The following TAFA1 variants were observed in gnomAD, a reference collection of about 807,000 sequenced individuals.
The protein encoded by TAFA1 is TAFA chemokine like family member 1.
In TAFA1, 4 loss-of-function variants were observed where a neutral mutation model predicts 18.5. The observed-to-expected ratio is 0.22, with a 90% CI of 0.11 to 0.49. The LOEUF (loss-of-function observed/expected upper bound fraction) is 0.49. Ranked by LOEUF, TAFA1 falls within the 20% of genes least tolerant of loss-of-function variation. TAFA1 has a pLI of 0.98. For synonymous variants in TAFA1, 56 were observed against 55.2 expected (o/e 1.01, Z -0.06); for missense variants, 147 against 169.0 (o/e 0.87, Z 0.72).
intron 2 of TAFA1, among the ~76,000 whole-genome samples, chr3:68,352,217 C>A (rs1472331505): frequency 5.3e-5 from 8 of 151,986 alleles, no homozygotes; most frequent in African/African-American, 1.7e-4. Context: ...CTCCTCAAGT[C>A]ATAAATTTGT....
At chr3:68,197,599 T>C (rs1195973342) in intron 2 of TAFA1, among the ~76,000 whole-genome samples, 2 of 151,402 alleles carry the variant, frequency 1.3e-5, no homozygotes, top group East Asian at 3.9e-4. Context: ...TGGCTGGTGG[T>C]TGTATTAAAT....
chr3:68,183,199 T>G (rs2066226110), intron 2 of TAFA1, among the ~76,000 whole-genome samples: 1 of 152,206 alleles, frequency 6.6e-6, no homozygotes, highest in African/African-American at 2.4e-5. Flanking sequence ...GTTCACCTTT[T>G]AAAGTTATCC....
rs141942693 is a variant in TAFA1 at position 68,303,502 on chromosome 3, G to A, written c.119-113778G>A. Among the ~76,000 whole-genome samples, 995 of 152,050 alleles carry A rather than the reference G, an allele frequency of 6.5e-3. 26 individuals are homozygous for A. Among genetic ancestry groups the A allele is most frequent in the East Asian group, 0.043 (222 of 5,166 alleles). ...GTCACCCAGGCTGGAGTGCAGTAGC[G>A]TGATCTCAGCTCACTGCAAGCTCTG... is the stretch of plus-strand genomic sequence containing the variant. On this transcript the variant is annotated intron_variant, in intron 2 of 4. Coordinates refer to ENST00000478136, the MANE Select transcript of TAFA1 (RefSeq NM_213609.4).
At chr3:68,145,526 T>G in intron 2 of TAFA1, 2 of 1,149,870 alleles carry the variant, frequency 1.7e-6, no homozygotes, top group South Asian at 2.4e-5. Flanking sequence ...CCTGGATGTT[T>G]CCTTTAACAA....
intron 2 of TAFA1, among the ~76,000 whole-genome samples, chr3:68,084,081 G>A (rs190703253): frequency 2.0e-5 from 3 of 152,210 alleles, no homozygotes; most frequent in Admixed American, 2.0e-4. Flanking sequence ...TGGCTAATTG[G>A]CTGGGTACCC....
At chr3:68,348,735 C>T (rs2106769313) in intron 2 of TAFA1, among the ~76,000 whole-genome samples, 1 of 152,098 alleles carries the variant, frequency 6.6e-6, no homozygotes, top group South Asian at 2.1e-4. Flanking sequence ...GTTTTCTTCC[C>T]ACGCTCCTCC....
chr3:68,490,457 A>G (rs1180588253), intron 3 of TAFA1, among the ~76,000 whole-genome samples: 2 of 152,310 alleles, frequency 1.3e-5, no homozygotes, highest in Admixed American at 1.3e-4. Flanking sequence ...ATATTATCAT[A>G]TCATATAACA....
chr3:68,506,082 C>G (rs920588299), intron 3 of TAFA1, among the ~76,000 whole-genome samples: 1 of 151,930 alleles, frequency 6.6e-6, no homozygotes, highest in Non-Finnish European at 1.5e-5. Flanking sequence ...ATGTTCCCCC[C>G]TCTGTGTCCA....
intron 2 of TAFA1, among the ~76,000 whole-genome samples, chr3:68,165,999 C>G (rs1271216750): frequency 6.6e-6 from 1 of 152,164 alleles, no homozygotes; most frequent in African/African-American, 2.4e-5. Context: ...AAACTCCAGC[C>G]CAACCTTGAA....
intron 2 of TAFA1, among the ~76,000 whole-genome samples, chr3:68,318,440 T>G (rs2068641072): frequency 6.6e-6 from 1 of 152,194 alleles, no homozygotes. Flanking sequence ...CATAGATCCT[T>G]CAGGTATAAG....
intron 2 of TAFA1, among the ~76,000 whole-genome samples, chr3:68,151,670 A>T (rs2065808185): frequency 6.6e-6 from 1 of 152,176 alleles, no homozygotes; most frequent in Non-Finnish European, 1.5e-5. Flanking sequence ...ACCTAAGATA[A>T]TTAACCCCCT....
chr3:68,467,724 A>T (rs1324688879), intron 3 of TAFA1, among the ~76,000 whole-genome samples: 1 of 152,126 alleles, frequency 6.6e-6, no homozygotes, highest in Non-Finnish European at 1.5e-5. Flanking sequence ...ATAACCTAGG[A>T]GATGCTAGAG....
intron 2 of TAFA1, among the ~76,000 whole-genome samples, chr3:68,255,568 G>C (rs955179789): frequency 6.6e-6 from 1 of 152,128 alleles, no homozygotes; most frequent in Admixed American, 6.6e-5. Context: ...GCTAAATGTT[G>C]TCTCTATGTC....
At chr3:68,093,251 T>A (rs1206343912) in intron 2 of TAFA1, among the ~76,000 whole-genome samples, 1 of 152,108 alleles carries the variant, frequency 6.6e-6, no homozygotes, top group East Asian at 1.9e-4. Flanking sequence ...TCTGTATATG[T>A]CTCTCAAATT....
At chr3:68,084,389 T>G (rs1264197677) in intron 2 of TAFA1, among the ~76,000 whole-genome samples, 1 of 152,232 alleles carries the variant, frequency 6.6e-6, no homozygotes, top group Non-Finnish European at 1.5e-5. Context: ...TTTGTGCTGC[T>G]GTGCCTTTCT....
chr3:68,312,733 G>C (rs933150548), intron 2 of TAFA1, among the ~76,000 whole-genome samples: 2 of 152,082 alleles, frequency 1.3e-5, no homozygotes, highest in Non-Finnish European at 2.9e-5. Context: ...CCTCTAAACT[G>C]TTCCAACCTC....
rs367982635 is a variant in TAFA1 at position 68,135,500 on chromosome 3, C to A, written c.118+128756C>A. Among the ~76,000 whole-genome samples the A allele has an allele frequency of 3.9e-5, 6 of 152,324 alleles. No individual in the cohort carries two copies. The East Asian group carries it at 9.7e-4, about 25-fold the overall frequency. On this transcript the variant is annotated intron_variant, in intron 2 of 4. Coordinates refer to ENST00000478136, the MANE Select transcript of TAFA1 (RefSeq NM_213609.4). ...TCTACAAGACCCAGGTTCAAACCCCCAGGTTGGCTCTAGCACAATAGAATT... is the reference window on the plus strand; with the variant it reads ...TCTACAAGACCCAGGTTCAAACCCCAAGGTTGGCTCTAGCACAATAGAATT...
intron 2 of TAFA1, among the ~76,000 whole-genome samples, chr3:68,034,232 G>C (rs1361674522): frequency 2.0e-5 from 3 of 152,204 alleles, no homozygotes; most frequent in African/African-American, 7.2e-5. Context: ...TCCCTGGAAT[G>C]CTTCCTTTAC....
At chr3:68,534,244 T>C (rs901626530) in intron 3 of TAFA1, among the ~76,000 whole-genome samples, 26 of 152,220 alleles carry the variant, frequency 1.7e-4, no homozygotes, top group African/African-American at 6.0e-4. Context: ...CTCTGAGGGC[T>C]GCTACCTGAG....
Sources: allele counts gnomAD v4.1 joint callset (sites outside exome capture counted in the v4.1 genomes callset), GRCh38; gene constraint gnomAD v4.1.1; transcripts MANE v1.5; gene names NCBI Gene and HGNC (gene_info 2026-07-23, HGNC 2026-07-21).